SH3PXD2A: variants seen among roughly 807,000 people sequenced by gnomAD.
The protein encoded by SH3PXD2A is SH3 and PX domains 2A.
In SH3PXD2A, 32 loss-of-function variants were observed where a neutral mutation model predicts 115.2. The observed-to-expected ratio is 0.28, with a 90% CI of 0.21 to 0.37. SH3PXD2A has a LOEUF of 0.37. Among genes scored for constraint, SH3PXD2A ranks in the 10% least tolerant of loss-of-function variants. SH3PXD2A has a pLI of 1.00. For missense variants in SH3PXD2A, 1,328 were observed against 1,498.7 expected, an observed-to-expected ratio of 0.89 and a Z score of 1.88; for synonymous variants, 610 against 629.1, an observed-to-expected ratio of 0.97 and a Z score of 0.45.
At chr10:103,724,445 G>A in intron 4 of SH3PXD2A, 84 bp from the exon 5 acceptor site, 1 of 735,022 alleles carries the variant, frequency 1.4e-6, no homozygotes, top group Non-Finnish European at 2.2e-6. Flanking sequence ...TACACCAACA[G>A]TGACAGAGAG....
chr10:103,755,144 A>G lies in SH3PXD2A; in HGVS notation c.229+11950T>C, dbSNP rs2038625085. The stretch of plus-strand genomic sequence containing the variant: ...TCCTTAAAACACACAAGGCTGTGGG[A>G]CCGCACTCCTGAGAAGAGACCTCAC... On this transcript the variant is annotated intron_variant, in intron 3 of 14. Transcript: ENST00000369774. 2.0e-5 allele frequency: 3 copies of G among 152,212 alleles called. No individual in the cohort carries two copies. The South Asian group carries it at 6.2e-4, about 32-fold the overall frequency. 9.4% of individuals were successfully genotyped at this position (152,212 alleles called of 1,614,324 possible).
At chr10:103,684,583 T>G (rs951391084) in intron 6 of SH3PXD2A, among the ~76,000 whole-genome samples, 3 of 151,966 alleles carry the variant, frequency 2.0e-5, no homozygotes, top group African/African-American at 7.3e-5. Flanking sequence ...ACTCCTGATC[T>G]CAGGAGATCC....
At chr10:103,751,972 A>G (rs2038584954) in intron 3 of SH3PXD2A, among the ~76,000 whole-genome samples, 1 of 152,118 alleles carries the variant, frequency 6.6e-6, no homozygotes, top group South Asian at 2.1e-4. Context: ...TCATGTTTCT[A>G]TTTATATTTT....
At chr10:103,737,475 TG>T (rs1470911226) in intron 3 of SH3PXD2A, among the ~76,000 whole-genome samples, 1 of 152,182 alleles carries the variant, frequency 6.6e-6, no homozygotes, top group East Asian at 1.9e-4. Flanking sequence ...TGACTTGTTT[TG>T]GAGGCGATCC....
At chr10:103,638,597 T>TG (rs1170228009) in intron 8 of SH3PXD2A, among the ~76,000 whole-genome samples, 2 of 152,228 alleles carry the variant, frequency 1.3e-5, no homozygotes, top group Admixed American at 6.5e-5. Flanking sequence ...CTCTGCTACT[T>TG]GCCAGCTGCA....
At chr10:103,758,849 T>G (rs2038669779) in intron 3 of SH3PXD2A, among the ~76,000 whole-genome samples, 1 of 152,228 alleles carries the variant, frequency 6.6e-6, no homozygotes, top group Non-Finnish European at 1.5e-5. Context: ...ACAGACCCTA[T>G]TTTTCCTTCT....
chr10:103,606,937 C>T (rs376361767), intron 13 of SH3PXD2A, among the ~76,000 whole-genome samples: 4 of 151,988 alleles, frequency 2.6e-5, no homozygotes, highest in Non-Finnish European at 5.9e-5. Flanking sequence ...AAGTGAGGAG[C>T]GTCTCTGCCT....
intron 3 of SH3PXD2A, among the ~76,000 whole-genome samples, chr10:103,745,601 G>A (rs2038492820): frequency 6.6e-6 from 1 of 152,208 alleles, no homozygotes; most frequent in African/African-American, 2.4e-5. Flanking sequence ...GACACTTCCA[G>A]GTCAAGGAGG....
chr10:103,848,733 A>G (rs1296341785), intron 1 of SH3PXD2A, among the ~76,000 whole-genome samples: 2 of 152,060 alleles, frequency 1.3e-5, no homozygotes, highest in Admixed American at 6.6e-5. Context: ...AAGGTCCATC[A>G]TGAAGCTGCC....
At chr10:103,842,121 T>C (rs1348932214) in intron 1 of SH3PXD2A, among the ~76,000 whole-genome samples, 1 of 101,270 alleles carries the variant, frequency 9.9e-6, no homozygotes, top group Non-Finnish European at 1.9e-5. Context: ...CGAGACTCCG[T>C]CTCAAAAAAA....
At chr10:103,788,217 A>G (rs1194981045) in intron 2 of SH3PXD2A, among the ~76,000 whole-genome samples, 3 of 152,172 alleles carry the variant, frequency 2.0e-5, no homozygotes, top group Admixed American at 6.6e-5. Flanking sequence ...ACATCCCACA[A>G]CAGCTCTATG....
chr10:103,815,385 T>C (rs2039313602), intron 1 of SH3PXD2A, among the ~76,000 whole-genome samples: 1 of 149,672 alleles, frequency 6.7e-6, no homozygotes, highest in South Asian at 2.1e-4. Context: ...GTATAATATA[T>C]ACAGTGTATA....
chr10:103,702,596 C>CGTGTGTGTGTGCGTGTGTGTGTGTGT (rs2037930376), intron 5 of SH3PXD2A, among the ~76,000 whole-genome samples: 3 of 147,448 alleles, frequency 2.0e-5, no homozygotes, highest in Non-Finnish European at 4.5e-5. Flanking sequence ...TGTGTGTGTG[C>CGTGTGTGTGTGCGTGTGTGTGTGTGT]GTGTGTGTGT....
chr10:103,711,538 G>C (rs2038046775), intron 5 of SH3PXD2A, among the ~76,000 whole-genome samples: 1 of 152,204 alleles, frequency 6.6e-6, no homozygotes, highest in South Asian at 2.1e-4. Flanking sequence ...GTCCACCTCA[G>C]AGCTGCACCG....
At chr10:103,698,882 G>T (rs1210881102) in intron 5 of SH3PXD2A, among the ~76,000 whole-genome samples, 1 of 151,996 alleles carries the variant, frequency 6.6e-6, no homozygotes, top group African/African-American at 2.4e-5. Flanking sequence ...GGACAAGGGG[G>T]TTTGGATCCA....
At chr10:103,673,458 G>A (rs184342877) in intron 6 of SH3PXD2A, 1,725 of 152,348 alleles carry the variant, frequency 0.011, 44 homozygotes, top group Admixed American at 0.06. Context: ...AGCTACTCTG[G>A]AGGCTGAAGT....
At chr10:103,608,143 A>AT (rs2036355780) in intron 13 of SH3PXD2A, among the ~76,000 whole-genome samples, 1 of 141,568 alleles carries the variant, frequency 7.1e-6, no homozygotes, top group Non-Finnish European at 1.5e-5. Flanking sequence ...CCCAAGAATG[A>AT]TCAATTTAAA....
intron 1 of SH3PXD2A, among the ~76,000 whole-genome samples, chr10:103,824,950 G>A (rs1193573519): frequency 6.6e-6 from 1 of 152,138 alleles, no homozygotes; most frequent in African/African-American, 2.4e-5. Context: ...TTACAGAAGT[G>A]CACCACCAAG....
In SH3PXD2A at chr10:103,855,249, C is replaced by A; in HGVS notation, c.18G>T (p.Val6=). The change falls in exon 1 of 15, where the codon GTG becomes GTT. Residue 6 remains valine (V), a synonymous_variant. Transcript: ENST00000369774. The part of the protein sequence containing the change: MLAYC[V]QDATVVDVEK... ...CCACGTCCACCACGGTGGCATCCTG[C>A]ACGCAGTAGGCGAGCATCTTCCCCC... is the stretch of plus-strand genomic sequence containing the variant. The A allele has an allele frequency of 6.5e-7, 1 of 1,535,508 alleles. No homozygotes were observed. The highest frequency in any genetic ancestry group is 8.8e-7 in the Non-Finnish European group (1 of 1,139,232).
Sources: allele counts gnomAD v4.1 joint callset (sites outside exome capture counted in the v4.1 genomes callset), GRCh38; gene constraint gnomAD v4.1.1; transcripts MANE v1.5; gene names NCBI Gene and HGNC (gene_info 2026-07-23, HGNC 2026-07-21).